CALN1: variants seen among roughly 807,000 people sequenced by gnomAD.
The protein encoded by CALN1 is calcium-binding protein 8.
CALN1 carries 17 observed loss-of-function variants against 30.6 expected under a neutral mutation model. The ratio of observed to expected loss-of-function variants is 0.56; its 90% confidence interval spans 0.38 to 0.83. The LOEUF is 0.83. Among genes scored for constraint, CALN1 ranks in the 40% least tolerant of loss-of-function variants. The pLI is 0.00. For synonymous variants in CALN1, 156 were observed against 131.4 expected, an observed-to-expected ratio of 1.19 and a Z score of -1.28; for missense variants, 291 against 354.9, an observed-to-expected ratio of 0.82 and a Z score of 1.45.
rs1268161316 is a variant in CALN1 at position 71,810,505 on chromosome 7, A to G, written c.502-13T>C. ...TTTGCATGTCAAACTGTGGAGATAAAGAGTAGTGAGATGGTCAGAAGCATG... is the reference window on the plus strand; with the variant it reads ...TTTGCATGTCAAACTGTGGAGATAAGGAGTAGTGAGATGGTCAGAAGCATG... On this transcript the variant is annotated splice_polypyrimidine_tract_variant and intron_variant, in intron 5 of 6. Transcript: ENST00000395275. 2 of 1,611,626 alleles carry G rather than the reference A, an allele frequency of 1.2e-6. No individual in the cohort carries two copies. Among genetic ancestry groups the G allele is most frequent in the South Asian group, 2.2e-5 (2 of 90,706 alleles).
intron 5 of CALN1, among the ~76,000 whole-genome samples, chr7:71,855,277 G>A (rs369463143): frequency 6.6e-6 from 1 of 152,198 alleles, no homozygotes; most frequent in South Asian, 2.1e-4. Context: ...TACTAAATCA[G>A]GGGGAGTAGC....
chr7:72,137,646 C>T (rs1809604555), intron 3 of CALN1, among the ~76,000 whole-genome samples: 1 of 152,166 alleles, frequency 6.6e-6, no homozygotes, highest in African/African-American at 2.4e-5. Flanking sequence ...AATGATTTAG[C>T]TGTAAAAGAA....
intron 1 of CALN1, among the ~76,000 whole-genome samples, chr7:72,446,155 T>C (rs986619456): frequency 3.3e-5 from 5 of 152,102 alleles, no homozygotes; most frequent in Non-Finnish European, 7.3e-5. Context: ...TGTGGAGTCA[T>C]GTCAAGCTGA....
upstream of CALN1, among the ~76,000 whole-genome samples, chr7:72,415,751 G>A (rs1252226565): frequency 6.6e-6 from 1 of 152,156 alleles, no homozygotes; most frequent in Non-Finnish European, 1.5e-5. Flanking sequence ...AGACAGCAGG[G>A]TCCCAGGCAG....
intron 2 of CALN1, among the ~76,000 whole-genome samples, chr7:72,345,433 G>T (rs532843842): frequency 6.7e-6 from 1 of 149,980 alleles, no homozygotes; most frequent in East Asian, 2.0e-4. Flanking sequence ...AGAAAGGAAG[G>T]AGGGAAAGAG....
intron 2 of CALN1, among the ~76,000 whole-genome samples, chr7:72,369,164 T>G (rs961642972): frequency 1.3e-5 from 2 of 151,706 alleles, no homozygotes; most frequent in African/African-American, 4.8e-5. Flanking sequence ...TGACACACAA[T>G]AAGGTTCATG....
At chr7:72,031,807 T>A (rs919446941) in intron 4 of CALN1, among the ~76,000 whole-genome samples, 1 of 149,382 alleles carries the variant, frequency 6.7e-6, no homozygotes. Context: ...AATGGCATGA[T>A]CTTGGCTGAT....
intron 2 of CALN1, among the ~76,000 whole-genome samples, chr7:72,297,417 AAAAC>A (rs1798940658): frequency 6.6e-6 from 1 of 152,218 alleles, no homozygotes; most frequent in Admixed American, 6.5e-5. Flanking sequence ...CAGGTTTATT[AAAAC>A]AAATATAGAA....
At chr7:72,388,814 G>C (rs1805398550) in intron 2 of CALN1, among the ~76,000 whole-genome samples, 1 of 152,152 alleles carries the variant, frequency 6.6e-6, no homozygotes, top group South Asian at 2.1e-4. Flanking sequence ...TCGCAGGTGT[G>C]CACTGGCTGG....
At chr7:72,468,474 C>T in the CALN1 span, among the ~76,000 whole-genome samples, 2 of 152,104 alleles carry the variant, frequency 1.3e-5, no homozygotes, top group Admixed American at 6.6e-5. Context: ...CCAACACTAC[C>T]GGTTAATTTT....
intron 2 of CALN1, 121 bp downstream of exon 2, chr7:72,403,130 A>G: frequency 3.0e-6 from 2 of 677,156 alleles, no homozygotes; most frequent in East Asian, 2.8e-5. Flanking sequence ...TGTCCATTTC[A>G]TAGATTCTCC....
chr7:72,314,768 G>C (rs937181413), intron 2 of CALN1, among the ~76,000 whole-genome samples: 2 of 151,404 alleles, frequency 1.3e-5, no homozygotes, highest in African/African-American at 2.4e-5. Flanking sequence ...TAATCTCAGG[G>C]ATGGGGAGGA....
At chr7:72,214,931 T>C (rs926781724) in intron 3 of CALN1, among the ~76,000 whole-genome samples, 1 of 151,702 alleles carries the variant, frequency 6.6e-6, no homozygotes, top group Admixed American at 6.6e-5. Context: ...CACTCCCAGA[T>C]AGGACTATCT....
chr7:72,270,279 A>C (rs1262995711), intron 3 of CALN1, among the ~76,000 whole-genome samples: 3 of 152,094 alleles, frequency 2.0e-5, no homozygotes, highest in Non-Finnish European at 4.4e-5. Context: ...TTCTGATGGC[A>C]CCACTGCACT....
intron 3 of CALN1, among the ~76,000 whole-genome samples, chr7:72,142,431 C>T (rs540101996): frequency 2.0e-5 from 3 of 152,262 alleles, no homozygotes; most frequent in East Asian, 1.9e-4. Context: ...GGGAGGGGCA[C>T]CTGCCATTGC....
chr7:72,483,565 G>A, the CALN1 span, among the ~76,000 whole-genome samples: 4 of 152,244 alleles, frequency 2.6e-5, 1 homozygote, highest in East Asian at 1.9e-4. Flanking sequence ...GATTACAGGC[G>A]TGAGCCACCA....
intron 1 of CALN1, among the ~76,000 whole-genome samples, chr7:72,443,292 G>A (rs770189285): frequency 1.3e-5 from 2 of 152,298 alleles, no homozygotes; most frequent in South Asian, 2.1e-4. Flanking sequence ...ATCCAGGTGC[G>A]TAGGACACAG....
chr7:72,309,938 C>T (rs1268616020), intron 2 of CALN1, among the ~76,000 whole-genome samples: 1 of 152,144 alleles, frequency 6.6e-6, no homozygotes, highest in Non-Finnish European at 1.5e-5. Flanking sequence ...CGATGCCCTC[C>T]AAGGGGCCCT....
chr7:72,407,521 G>A (rs1236328217), intron 1 of CALN1, among the ~76,000 whole-genome samples: 3 of 152,176 alleles, frequency 2.0e-5, no homozygotes, highest in African/African-American at 7.2e-5. Flanking sequence ...CAACTTTGCT[G>A]CTTCCCTCCT....
Sources: gnomAD v4.1 joint callset for allele counts (sites outside exome capture counted in the v4.1 genomes callset) on GRCh38, gnomAD v4.1.1 for gene constraint, MANE v1.5 for transcripts, NCBI Gene and HGNC (gene_info 2026-07-23, HGNC 2026-07-21) for gene names.